C3: variants seen among roughly 807,000 people sequenced by gnomAD.
The protein encoded by C3 is complement C3, also known as C3 and PZP-like alpha-2-macroglobulin domain-containing protein 1.
In C3, 97 loss-of-function variants were observed where a neutral mutation model predicts 207.9. That is an observed-to-expected ratio of 0.47 (90% CI 0.40 to 0.55). The LOEUF (loss-of-function observed/expected upper bound fraction) is 0.55. Among genes scored for constraint, C3 ranks in the 20% least tolerant of loss-of-function variants. The pLI, the probability that C3 is intolerant of heterozygous loss-of-function variation, is 0.00. For synonymous variants in C3, 848 were observed against 857.6 expected (o/e 0.99, Z 0.20); for missense variants, 1,684 against 2,171.7 (o/e 0.78, Z 4.46).
intron 38 of C3, 152 bp from the exon 39 acceptor site, chr19:6,678,607 A>G (rs1355903938): frequency 7.4e-6 from 5 of 680,168 alleles, no homozygotes; most frequent in African/African-American, 5.3e-5. Flanking sequence ...CCCTCATTAC[A>G]CACACAACCA....
Position 6,678,054 on chromosome 19 carries a change from G to A in C3, c.4851-31C>T. The A allele has an allele frequency of 1.9e-6, 3 of 1,614,174 alleles. No individual in the cohort carries two copies. In the Middle Eastern group the frequency reaches 4.9e-4, roughly 266 times the overall value. On this transcript the variant is annotated intron_variant, in intron 40 of 40. Transcript: ENST00000245907. ...GGGAAGAATGGCAGGTCAGGAAGGGGCGTGGTGTGGGCGTGGCGCAGGGGC... is the reference window on the plus strand; with the variant it reads ...GGGAAGAATGGCAGGTCAGGAAGGGACGTGGTGTGGGCGTGGCGCAGGGGC...
chr19:6,696,196 C>G (rs1016244356), intron 23 of C3, among the ~76,000 whole-genome samples, 183 bp downstream of exon 23: 5 of 144,068 alleles, frequency 3.5e-5, no homozygotes, highest in Admixed American at 1.4e-4. Flanking sequence ...GGTGACAGAG[C>G]CAGACTCTGT....
intron 14 of C3, among the ~76,000 whole-genome samples, chr19:6,708,559 CCCT>C (rs1381224930): frequency 7.4e-5 from 11 of 148,674 alleles, no homozygotes; most frequent in South Asian, 2.2e-4. Context: ...TTCCCTCCTT[CCCT>C]CCTTCCTTCC....
chr19:6,717,821 TTGTG>T, intron 4 of C3: 1 of 579,672 alleles, frequency 1.7e-6, no homozygotes, highest in South Asian at 1.9e-5. Flanking sequence ...GTCGTGTATG[TTGTG>T]TGTTTGTGTG....
intron 29 of C3, 149 bp from the exon 30 acceptor site, chr19:6,685,295 C>G: frequency 1.4e-6 from 1 of 736,110 alleles, no homozygotes; most frequent in Non-Finnish European, 2.4e-6. Context: ...AACTGGAGGT[C>G]ACTGGACTCT....
chr19:6,717,783 TTG>T (rs972836259), intron 4 of C3: 3 of 522,342 alleles, frequency 5.7e-6, no homozygotes, highest in Non-Finnish European at 1.1e-5. Context: ...GTGTATTGTG[TTG>T]TGTGTTGTGT....
intron 36 of C3, among the ~76,000 whole-genome samples, chr19:6,679,874 G>C (rs975872660): frequency 1.3e-5 from 2 of 151,932 alleles, no homozygotes; most frequent in Non-Finnish European, 2.9e-5. Context: ...CAGATCCCTA[G>C]AACCAACTCA....
In C3 at chr19:6,719,346, C is replaced by T. The variant is rs770199879; in HGVS notation, c.132G>A (p.Leu44=). The T allele has an allele frequency of 1.9e-6, 3 of 1,613,986 alleles. No homozygotes were observed. Among genetic ancestry groups the T allele is most frequent in the African/African-American group, 2.7e-5 (2 of 74,954 alleles). ...LRLESEETMV[L]EAHDAQGDVP... ...CATCCCCTTGCGCGTCGTGGGCCTC[C>T]AGCACCATGGTCTCCTCGCTCTCCA... Residue 44 remains leucine (L), a synonymous_variant, in exon 2 of 41, where the codon CTG becomes CTA. Transcript: ENST00000245907. This position sits in a 1 kb window ranked among gnomAD's most constrained non-coding sequence, Gnocchi z 5.4.
chr19:6,714,288 G>GC (rs774491432), intron 5 of C3, 40 bp from the exon 6 acceptor site: 3 of 1,610,482 alleles, frequency 1.9e-6, no homozygotes, highest in Non-Finnish European at 2.5e-6. Flanking sequence ...AGGCCTCGGA[G>GC]CCCCCCTGCT....
chr19:6,717,801 GTGT>G, intron 4 of C3: 4 of 552,304 alleles, frequency 7.2e-6, no homozygotes, highest in South Asian at 5.8e-5. Context: ...TGTGTTGTGT[GTGT>G]TGTGTGGTCG....
In C3 at chr19:6,686,158, T is replaced by C; in HGVS notation, c.3776A>G (p.Gln1259Arg). 6.2e-7 allele frequency: 1 copy of C among 1,614,172 alleles called. No individual in the cohort carries two copies. Among genetic ancestry groups the C allele is most frequent in the Admixed American group, 1.7e-5 (1 of 60,028 alleles). The change falls in exon 29 of 41, where the codon CAG becomes CGG. Residue 1259 changes from glutamine to arginine, a missense_variant. Physicochemically the swap from Gln to Arg is conservative, Grantham distance 43. This residue lies in a region of C3 where 1,280 missense variants were observed against 1,739.1 expected (regional missense o/e 0.74). Coordinates refer to ENST00000245907, the MANE Select transcript of C3 (RefSeq NM_000064.4). The stretch of plus-strand genomic sequence containing the variant: ...GCCATAGCCACCACCGTAGTATCTC[T>C]GTTCATTGAGCCAACGCACGACGGG... Reference protein sequence around the residue: ...VPPVVRWLNEQRYYGGGYGST... With the variant: ...VPPVVRWLNERRYYGGGYGST...
chr19:6,718,001 C>A, intron 4 of C3, 93 bp downstream of exon 4: 2 of 1,239,124 alleles, frequency 1.6e-6, no homozygotes, highest in Admixed American at 1.7e-5. Context: ...GCCACTGCAC[C>A]CCTTCCGGTG....
chr19:6,710,469 G>C (rs764995443), intron 13 of C3, among the ~76,000 whole-genome samples, 170 bp downstream of exon 13: 3 of 150,430 alleles, frequency 2.0e-5, no homozygotes, highest in Non-Finnish European at 4.4e-5. Context: ...GATAAAAAGA[G>C]AGACAGTTGA....
intron 36 of C3, 71 bp from the exon 37 acceptor site, chr19:6,679,567 G>C: frequency 9.7e-7 from 1 of 1,026,018 alleles, no homozygotes; most frequent in South Asian, 1.3e-5. Context: ...GGGAGGCCCA[G>C]ATCCCCAGTT....
intron 14 of C3, 69 bp downstream of exon 14, chr19:6,709,615 A>ACCCCCCCCCC: frequency 1.2e-5 from 5 of 403,602 alleles, no homozygotes; most frequent in Non-Finnish European, 1.8e-5. Flanking sequence ...CTCCAGTCCC[A>ACCCCCCCCCC]CCCACCTCCC....
chr19:6,702,627 A>G, intron 17 of C3, 48 bp from the exon 18 acceptor site: 2 of 1,320,492 alleles, frequency 1.5e-6, no homozygotes, highest in Non-Finnish European at 2.2e-6. Flanking sequence ...GCCAGTTGCC[A>G]TGGCTCATGC....
intron 26 of C3, among the ~76,000 whole-genome samples, chr19:6,691,618 G>A (rs1918169778): frequency 6.6e-6 from 1 of 152,202 alleles, no homozygotes; most frequent in South Asian, 2.1e-4. Context: ...CCTGAAAGGT[G>A]AGACTGAGGC....
At chr19:6,708,076 CTTTCTCTTTCCTTCCTTCCT>C in intron 14 of C3, 147 bp from the exon 15 acceptor site, 1 of 836,922 alleles carries the variant, frequency 1.2e-6, no homozygotes, top group Non-Finnish European at 1.9e-6. Flanking sequence ...CTTCCTTTCT[CTTTCTCTTTCCTTCCTTCCT>C]TCTCTCTCCT....
chr19:6,696,937 G>A (rs889973701), intron 21 of C3, among the ~76,000 whole-genome samples: 1 of 150,438 alleles, frequency 6.6e-6, no homozygotes, highest in Non-Finnish European at 1.5e-5. Context: ...AGCTACTCGG[G>A]AGGCTGAGGC....
Sources: gnomAD v4.1 joint callset for allele counts (sites outside exome capture counted in the v4.1 genomes callset) on GRCh38, gnomAD v4.1.1 for gene constraint, gnomAD v4.1.1 regional missense constraint, Gnocchi (gnomAD v3.1) non-coding constraint, MANE v1.5 for transcripts, NCBI Gene and HGNC (gene_info 2026-07-23, HGNC 2026-07-21) for gene names.